LINGO2: variants seen among roughly 807,000 people sequenced by gnomAD.
LINGO2 encodes the protein leucine-rich repeat and immunoglobulin-like domain-containing nogo receptor-interacting protein 2.
LINGO2 carries 14 observed loss-of-function variants against 30.6 expected under a neutral mutation model. That is an observed-to-expected ratio of 0.46 (90% CI 0.30 to 0.72). The LOEUF is 0.72. Among genes scored for constraint, LINGO2 ranks in the 30% least tolerant of loss-of-function variants. The pLI is 0.07. For synonymous variants in LINGO2, 317 were observed against 288.5 expected (o/e 1.10, Z -1.00); for missense variants, 729 against 751.7 (o/e 0.97, Z 0.35).
At chr9:29,157,871 T>A in the LINGO2 span, among the ~76,000 whole-genome samples, 1 of 152,152 alleles carries the variant, frequency 6.6e-6, no homozygotes, top group Admixed American at 6.6e-5. Context: ...AACAGTACTA[T>A]ACACTTACTC....
chr9:29,159,615 G>C, the LINGO2 span, among the ~76,000 whole-genome samples: 1 of 152,046 alleles, frequency 6.6e-6, no homozygotes, highest in South Asian at 2.1e-4. Flanking sequence ...CCAGCATTTT[G>C]GGAGGCTGAG....
At chr9:28,781,311 T>C in the LINGO2 span, among the ~76,000 whole-genome samples, 438 of 152,180 alleles carry the variant, frequency 2.9e-3, 3 homozygotes, top group African/African-American at 0.01. Context: ...AATTTCTAGA[T>C]AGGGTTGGGG....
At chr9:28,132,305 A>G (rs1010132609) in intron 4 of LINGO2, among the ~76,000 whole-genome samples, 6 of 151,970 alleles carry the variant, frequency 3.9e-5, no homozygotes, top group Non-Finnish European at 8.8e-5. Flanking sequence ...CTATAAATAT[A>G]TAAATTGAGT....
At chr9:28,256,873 T>C (rs1385546250) in intron 4 of LINGO2, among the ~76,000 whole-genome samples, 3 of 151,956 alleles carry the variant, frequency 2.0e-5, no homozygotes, top group Non-Finnish European at 4.4e-5. Flanking sequence ...TTTCCTATAT[T>C]TCCTCCCAGA....
chr9:28,517,936 C>A (rs1246200738), intron 1 of LINGO2, among the ~76,000 whole-genome samples: 1 of 152,096 alleles, frequency 6.6e-6, no homozygotes, highest in Non-Finnish European at 1.5e-5. Flanking sequence ...AATTGAAGAA[C>A]TTTTAAATTT....
chr9:29,121,731 G>T, the LINGO2 span, among the ~76,000 whole-genome samples: 2 of 152,046 alleles, frequency 1.3e-5, no homozygotes, highest in African/African-American at 4.8e-5. Flanking sequence ...TGACATCTCA[G>T]AACGGCATCA....
chr9:28,024,110 C>T (rs1233430373), intron 4 of LINGO2, among the ~76,000 whole-genome samples: 1 of 152,172 alleles, frequency 6.6e-6, no homozygotes, highest in African/African-American at 2.4e-5. Flanking sequence ...ACAGGAGTGA[C>T]CACTTCCAAG....
chr9:28,034,498 A>T (rs1242573821), intron 4 of LINGO2, among the ~76,000 whole-genome samples: 2 of 152,188 alleles, frequency 1.3e-5, no homozygotes, highest in East Asian at 3.9e-4. Context: ...TGTGGCCCAG[A>T]AGCCCAGAAT....
chr9:29,089,257 G>T, the LINGO2 span, among the ~76,000 whole-genome samples: 2 of 151,328 alleles, frequency 1.3e-5, no homozygotes, highest in African/African-American at 4.8e-5. Context: ...TTATTAGATA[G>T]TATTATTATA....
intron 2 of LINGO2, among the ~76,000 whole-genome samples, chr9:28,456,542 C>T (rs895303169): frequency 1.3e-5 from 2 of 152,148 alleles, no homozygotes; most frequent in Non-Finnish European, 2.9e-5. Context: ...GAGCTTTGTA[C>T]CATTCTGACT....
the LINGO2 span, among the ~76,000 whole-genome samples, chr9:29,196,005 T>C: frequency 5.3e-5 from 8 of 152,240 alleles, no homozygotes; most frequent in Admixed American, 5.2e-4. Flanking sequence ...CATTTCCATG[T>C]GCTCCAGTTT....
the LINGO2 span, among the ~76,000 whole-genome samples, chr9:29,169,714 C>T: frequency 6.6e-6 from 1 of 152,004 alleles, no homozygotes; most frequent in East Asian, 1.9e-4. Flanking sequence ...CTATAGAAAA[C>T]AGTATGGGCC....
the LINGO2 span, among the ~76,000 whole-genome samples, chr9:28,916,797 T>C: frequency 0.12 from 17,160 of 142,126 alleles, 965 homozygotes; most frequent in South Asian, 0.17. Context: ...TTGAGACTTG[T>C]TTTATACTTT....
chr9:28,225,077 A>G (rs1461145027), intron 4 of LINGO2, among the ~76,000 whole-genome samples: 1 of 152,170 alleles, frequency 6.6e-6, no homozygotes, highest in Non-Finnish European at 1.5e-5. Flanking sequence ...ACAGGAATAA[A>G]ACTAGAGTCC....
At chr9:28,019,318 T>TG (rs1431118151) in intron 4 of LINGO2, among the ~76,000 whole-genome samples, 1 of 3,754 alleles carries the variant, frequency 2.7e-4, no homozygotes, top group African/African-American at 1.1e-3. Context: ...GGGGAATATA[T>TG]GTTTTTTTTT....
At chr9:28,127,594 C>G (rs959318193) in intron 4 of LINGO2, among the ~76,000 whole-genome samples, 1 of 152,078 alleles carries the variant, frequency 6.6e-6, no homozygotes, top group Non-Finnish European at 1.5e-5. Context: ...TGGAATCGGA[C>G]AAGGAACCTA....
At chr9:28,236,294 T>C (rs1821561512) in intron 4 of LINGO2, among the ~76,000 whole-genome samples, 1 of 152,192 alleles carries the variant, frequency 6.6e-6, no homozygotes, top group Non-Finnish European at 1.5e-5. Flanking sequence ...AGAGATTTCA[T>C]CAACACCAGA....
chr9:28,940,365 G>C, the LINGO2 span, among the ~76,000 whole-genome samples: 1 of 152,024 alleles, frequency 6.6e-6, no homozygotes, highest in East Asian at 1.9e-4. Context: ...AGCTAATCAG[G>C]GTGATCCTAG....
the LINGO2 span, among the ~76,000 whole-genome samples, chr9:28,779,493 T>C: frequency 6.6e-6 from 1 of 152,282 alleles, no homozygotes; most frequent in Non-Finnish European, 1.5e-5. Context: ...GTATTTTTCA[T>C]TCTGTTTTAA....
Sources: allele counts gnomAD v4.1 joint callset (sites outside exome capture counted in the v4.1 genomes callset), GRCh38; gene constraint gnomAD v4.1.1; transcripts MANE v1.5; gene names NCBI Gene and HGNC (gene_info 2026-07-23, HGNC 2026-07-21).